ZNF774: variants seen among roughly 807,000 people sequenced by gnomAD.
ZNF774 encodes zinc finger protein 774.
Under a neutral mutation model 11.1 loss-of-function variants are expected in ZNF774, and 14 were observed. That is an observed-to-expected ratio of 1.26 (90% CI 0.83 to 1.97). ZNF774 has a LOEUF of 1.97. ZNF774 is among the 30% of genes most tolerant of loss of function. The pLI is 0.00. For synonymous variants in ZNF774, 195 were observed against 212.6 expected (o/e 0.92, Z 0.72); for missense variants, 599 against 587.0 (o/e 1.02, Z -0.21).
Position 90,360,977 on chromosome 15 carries a change from A to G in ZNF774, c.1146A>G (p.Lys382=), listed in dbSNP as rs1418200566. ...ERPFKCENCG[K]GFADSSALIK... is the part of the protein sequence containing the mutation. ...CTTTTAAGTGCGAAAACTGTGGGAA[A>G]GGATTCGCCGACAGCTCCGCCCTCA... The change falls in exon 4 of 4, where the codon AAA becomes AAG. Residue 382 remains lysine, a synonymous_variant. Transcript: ENST00000354377. The G allele has an allele frequency of 6.2e-7, 1 of 1,614,178 alleles. No individual in the cohort carries two copies. Among genetic ancestry groups the G allele is most frequent in the Non-Finnish European group, 8.5e-7 (1 of 1,180,026 alleles).
Position 90,361,775 on chromosome 15 carries a change from G to A in ZNF774, c.*492G>A. ...TGCAGTGAGTTGAGATCATGCCACT[G>A]CACTCCAGCCTGGGCAACAGAGAGA... is the stretch of plus-strand genomic sequence containing the variant. On this transcript the variant is annotated 3_prime_UTR_variant, in exon 4 of 4. Transcript: ENST00000354377. 1 of 156,138 alleles carries A rather than the reference G, an allele frequency of 6.4e-6. No homozygotes were observed. Among genetic ancestry groups the A allele is most frequent in the Non-Finnish European group, 1.4e-5 (1 of 70,434 alleles). The allele number at this position is 156,138 out of a possible 1,614,324, so 9.7% of individuals were successfully genotyped here. A position where few individuals can be genotyped will look rare whatever the true frequency, so the allele number is the denominator to read the frequency against.
intron 2 of ZNF774, among the ~76,000 whole-genome samples, chr15:90,357,558 A>G (rs1007161626): frequency 3.3e-5 from 5 of 152,198 alleles, no homozygotes; most frequent in African/African-American, 9.6e-5. Flanking sequence ...AAAAATAGCA[A>G]TAATAGTTAA....
chr15:90,359,714 CG>C (rs1459100878), intron 3 of ZNF774, among the ~76,000 whole-genome samples: 5 of 152,166 alleles, frequency 3.3e-5, no homozygotes, highest in African/African-American at 1.2e-4. Flanking sequence ...CTCGGCCTCC[CG>C]AAGTGCTGGG....
chr15:90,352,887 C>G (rs1964192945), intron 1 of ZNF774, among the ~76,000 whole-genome samples: 1 of 152,094 alleles, frequency 6.6e-6, no homozygotes, highest in African/African-American at 2.4e-5. Context: ...AAGACGTCTC[C>G]CCTCCTCAGT....
At position 90,352,300 on chromosome 15, in the gene ZNF774, G is replaced by C. The variant is rs1964183723; in HGVS notation, c.-131G>C. The stretch of plus-strand genomic sequence containing the variant: ...GTCCCACCTGTGTCCCCACAGCCCT[G>C]TCACGAATCCCGGTCGGGTTCTGGG... On this transcript the variant is annotated 5_prime_UTR_variant, in exon 1 of 4. Transcript: ENST00000354377. 6.6e-6 allele frequency: 1 copy of C among 152,360 alleles called. No homozygotes were observed. The highest frequency in any genetic ancestry group is 1.5e-5 in the Non-Finnish European group (1 of 68,134). 9.4% of individuals were successfully genotyped at this position (152,360 alleles called of 1,614,324 possible).
chr15:90,360,167 G>C lies in ZNF774; in HGVS notation c.336G>C (p.Glu112Asp). ...SHTLSWGGNWEQGLELEGQHG... is the reference protein window; with the variant it reads ...SHTLSWGGNWDQGLELEGQHG... The stretch of plus-strand genomic sequence containing the variant: ...CTCTTAGTTGGGGAGGAAACTGGGA[G>C]CAAGGCCTAGAATTAGAAGGGCAAC... The change falls in exon 4 of 4, where the codon GAG (glutamate) becomes GAC (aspartate). Residue 112 changes from glutamate to aspartate, a missense_variant. By Grantham distance (45) the Glu-to-Asp change is conservative. Coordinates refer to ENST00000354377, the MANE Select transcript of ZNF774 (RefSeq NM_001004309.3). The C allele has an allele frequency of 1.2e-6, 2 of 1,614,222 alleles. No homozygotes were observed. Among genetic ancestry groups the C allele is most frequent in the Non-Finnish European group, 1.7e-6 (2 of 1,180,042 alleles).
intron 2 of ZNF774, 72 bp downstream of exon 2, chr15:90,354,836 C>A: frequency 7.6e-7 from 1 of 1,316,078 alleles, no homozygotes; most frequent in Non-Finnish European, 1.1e-6. Flanking sequence ...GCTCTGTCAT[C>A]CAGGCTGGAG....
Position 90,353,822 on chromosome 15 carries a change from G to A in ZNF774, c.-19-820G>A, listed in dbSNP as rs1964207336. Among the ~76,000 whole-genome samples the A allele has an allele frequency of 2.6e-5, 4 of 151,958 alleles. No individual in the cohort carries two copies. In the South Asian group the frequency reaches 8.3e-4, roughly 32 times the overall value. On this transcript the variant is annotated intron_variant, in intron 1 of 3. Coordinates refer to ENST00000354377, the MANE Select transcript of ZNF774 (RefSeq NM_001004309.3). ...ATATGTTGCTGAGGCTGGTTTATTG[G>A]AAACTTTTTAAGGGAAAAAACATTA...
intron 1 of ZNF774, 74 bp from the exon 2 acceptor site, chr15:90,354,568 C>G (rs1195770411): frequency 1.5e-5 from 15 of 978,722 alleles, no homozygotes; most frequent in Non-Finnish European, 2.3e-5. Context: ...ACACTGGTGG[C>G]CATTTTTTGG....
In ZNF774 at chr15:90,362,414, T is replaced by G; in HGVS notation, c.*1131T>G. On this transcript the variant is annotated 3_prime_UTR_variant, in exon 4 of 4. Transcript: ENST00000354377. ...GACTATAAAATTGTGGAAGCAAAAT[T>G]GCTGAGAATGTCAAATGATATTACA... 1.2e-6 allele frequency: 1 copy of G among 816,184 alleles called. No homozygotes were observed. The allele number at this position is 816,184 out of a possible 1,614,324, so 50.6% of individuals were successfully genotyped here. A position where few individuals can be genotyped will look rare whatever the true frequency, so the allele number is the denominator to read the frequency against.
At chr15:90,355,722 CAAA>C (rs35498554) in intron 2 of ZNF774, among the ~76,000 whole-genome samples, 3 of 40,036 alleles carry the variant, frequency 7.5e-5, no homozygotes, top group African/African-American at 3.5e-4. Context: ...GACTCTGTCT[CAAA>C]AAAAAAAAAA....
At chr15:90,360,015 TTC>T in intron 3 of ZNF774, 26 bp from the exon 4 acceptor site, 5 of 1,559,808 alleles carry the variant, frequency 3.2e-6, no homozygotes, top group Non-Finnish European at 4.3e-6. Flanking sequence ...GATAACTTTA[TTC>T]TCTGTTACTT....
At chr15:90,354,557 T>C (rs1041655004) in intron 1 of ZNF774, 85 bp from the exon 2 acceptor site, 55 of 830,148 alleles carry the variant, frequency 6.6e-5, no homozygotes, top group Non-Finnish European at 1.0e-4. Context: ...GTTGTTTGTG[T>C]ACACTGGTGG....
Position 90,361,602 on chromosome 15 carries a change from C to T in ZNF774, c.*319C>T. On this transcript the variant is annotated 3_prime_UTR_variant, in exon 4 of 4. Transcript: ENST00000354377. Reference sequence around the variant, plus strand: ...CCAAGGTGGGTGGATCACTTGAGGTCAGGAGTTGAGACCAGCCTGGTGAGC... The same window carrying T: ...CCAAGGTGGGTGGATCACTTGAGGTTAGGAGTTGAGACCAGCCTGGTGAGC... 4.3e-6 allele frequency: 4 copies of T among 932,252 alleles called. No homozygotes were observed. The highest frequency in any genetic ancestry group is 4.0e-5 in the South Asian group (1 of 25,046). 57.7% of individuals were successfully genotyped at this position (932,252 alleles called of 1,614,324 possible).
Position 90,362,560 on chromosome 15 carries a change from G to A in ZNF774, c.*1277G>A, listed in dbSNP as rs1964351352. The A allele has an allele frequency of 1.3e-6, 2 of 1,535,848 alleles. No homozygotes were observed. Among genetic ancestry groups the A allele is most frequent in the Non-Finnish European group, 1.7e-6 (2 of 1,146,810 alleles). On this transcript the variant is annotated 3_prime_UTR_variant, in exon 4 of 4. Coordinates refer to ENST00000354377, the MANE Select transcript of ZNF774 (RefSeq NM_001004309.3). ...ATCCTTTTAGGGCCATCCAGGTTATGCACTAGTACATTCCTACATTCAATT... is the reference window on the plus strand; with the variant it reads ...ATCCTTTTAGGGCCATCCAGGTTATACACTAGTACATTCCTACATTCAATT...
chr15:90,362,506 A>T lies in ZNF774; in HGVS notation c.*1223A>T, dbSNP rs1964350295. 1 of 1,530,438 alleles carries T rather than the reference A, an allele frequency of 6.5e-7. No individual in the cohort carries two copies. 94.8% of individuals were successfully genotyped at this position (1,530,438 alleles called of 1,614,324 possible). A position where few individuals can be genotyped will look rare whatever the true frequency, so the allele number is the denominator to read the frequency against. ...TTTCTAATTTGCTGGGTCATTGGCC[A>T]TTTAGTTTTAGGTTAATATAATTCT... On this transcript the variant is annotated 3_prime_UTR_variant, in exon 4 of 4. Coordinates refer to ENST00000354377, the MANE Select transcript of ZNF774 (RefSeq NM_001004309.3).
intron 2 of ZNF774, among the ~76,000 whole-genome samples, chr15:90,357,484 C>T (rs917436717): frequency 2.0e-5 from 3 of 152,090 alleles, no homozygotes; most frequent in African/African-American, 7.2e-5. Context: ...GCCTGGGTGA[C>T]AGAGCAAGAG....
chr15:90,357,789 C>G (rs1286338602), intron 2 of ZNF774, among the ~76,000 whole-genome samples: 1 of 152,126 alleles, frequency 6.6e-6, no homozygotes, highest in Non-Finnish European at 1.5e-5. Flanking sequence ...ACAGGCTGCT[C>G]TTAAACTCCT....
chr15:90,358,776 G>A (rs1964281538), intron 2 of ZNF774, 75 bp from the exon 3 acceptor site: 4 of 1,185,756 alleles, frequency 3.4e-6, no homozygotes, highest in South Asian at 2.6e-5. Flanking sequence ...CCTAGGCAGG[G>A]AGTAGGGCTT....
Sources: gnomAD v4.1 joint callset for allele counts (sites outside exome capture counted in the v4.1 genomes callset) on GRCh38, gnomAD v4.1.1 for gene constraint, MANE v1.5 for transcripts, NCBI Gene and HGNC (gene_info 2026-07-23, HGNC 2026-07-21) for gene names.